KLHL1: variants seen among roughly 807,000 people sequenced by gnomAD.
KLHL1 encodes the protein kelch like family member 1, also known as kelch-like protein 1.
KLHL1 carries 47 observed loss-of-function variants against 77.7 expected under a neutral mutation model. That is an observed-to-expected ratio of 0.60 (90% CI 0.48 to 0.77). KLHL1 has a LOEUF of 0.77. Ranked by LOEUF, KLHL1 falls within the 30% of genes least tolerant of loss-of-function variation. The probability of loss-of-function intolerance (pLI) is 0.00; values close to 1 mark genes in which losing one functional copy is unlikely to be tolerated. For missense variants in KLHL1, 925 were observed against 910.8 expected, an observed-to-expected ratio of 1.02 and a Z score of -0.20; for synonymous variants, 360 against 325.2, an observed-to-expected ratio of 1.11 and a Z score of -1.15.
chr13:69,725,585 C>T (rs9542054), intron 8 of KLHL1, among the ~76,000 whole-genome samples: 7,980 of 152,028 alleles, frequency 0.052, 364 homozygotes, highest in African/African-American at 0.12. Flanking sequence ...TATTGGTGGA[C>T]AATTAGCCAA....
At chr13:70,016,526 G>T (rs976613254) in intron 1 of KLHL1, among the ~76,000 whole-genome samples, 4 of 152,226 alleles carry the variant, frequency 2.6e-5, no homozygotes, top group African/African-American at 9.6e-5. Context: ...CCTGGGTGCT[G>T]TCACAACCCT....
At chr13:70,088,880 T>C (rs144783047) in intron 1 of KLHL1, among the ~76,000 whole-genome samples, 3 of 152,310 alleles carry the variant, frequency 2.0e-5, no homozygotes, top group East Asian at 3.9e-4. Context: ...CAGGGCTATT[T>C]ACGTATTTTT....
At chr13:70,013,051 C>A (rs1194614081) in intron 1 of KLHL1, among the ~76,000 whole-genome samples, 1 of 151,728 alleles carries the variant, frequency 6.6e-6, no homozygotes, top group African/African-American at 2.4e-5. Flanking sequence ...GTTTATCTTC[C>A]ATGAAGAATT....
chr13:70,080,081 A>G (rs1031913324), intron 1 of KLHL1, among the ~76,000 whole-genome samples: 8 of 152,212 alleles, frequency 5.3e-5, no homozygotes, highest in African/African-American at 1.9e-4. Context: ...ACTTGGAGCC[A>G]TACAGCATAC....
chr13:69,912,608 C>A (rs900236532), intron 4 of KLHL1, among the ~76,000 whole-genome samples: 1 of 152,066 alleles, frequency 6.6e-6, no homozygotes, highest in African/African-American at 2.4e-5. Context: ...TATTTCCATG[C>A]CAGTCATCTC....
intron 6 of KLHL1, among the ~76,000 whole-genome samples, chr13:69,826,578 C>CAAAG (rs144260651): frequency 0.095 from 14,302 of 151,148 alleles, 1,363 homozygotes; most frequent in African/African-American, 0.25. Context: ...AAAACTGTCT[C>CAAAG]AAAGAAAGAA....
At chr13:69,900,211 T>G (rs575226885) in intron 4 of KLHL1, among the ~76,000 whole-genome samples, 1 of 152,196 alleles carries the variant, frequency 6.6e-6, no homozygotes, top group African/African-American at 2.4e-5. Flanking sequence ...TATCATATAC[T>G]TAAAAATATT....
rs902664002 is a variant in KLHL1, at chr13:70,107,312, C to T, written c.388G>A (p.Val130Met). The change falls in exon 1 of 11, where the codon GTG becomes ATG. Residue 130 changes from valine (V) to methionine (M), a missense_variant. Physicochemically the swap from Val to Met is conservative, Grantham distance 21. Transcript: ENST00000377844. ...GGTCCAGGAAAGTCCATGCCTGGCACCACCTCCTCCTCTAGTGACTCCACG... is the reference window on the plus strand; with the variant it reads ...GGTCCAGGAAAGTCCATGCCTGGCATCACCTCCTCCTCTAGTGACTCCACG... ...FYVESLEEEV[V>M]PGMDFPGPHE... The T allele has an allele frequency of 6.2e-6, 10 of 1,614,026 alleles. No homozygotes were observed. In the African/African-American group the frequency reaches 1.1e-4, roughly 17 times the overall value.
intron 7 of KLHL1, among the ~76,000 whole-genome samples, chr13:69,780,689 T>G: frequency 1.6e-4 from 1 of 6,290 alleles, no homozygotes; most frequent in Non-Finnish European, 3.9e-4. Context: ...TTTCTTCATA[T>G]ATATATATAT....
chr13:70,070,566 C>G (rs1887115025), intron 1 of KLHL1, among the ~76,000 whole-genome samples: 1 of 152,010 alleles, frequency 6.6e-6, no homozygotes, highest in South Asian at 2.1e-4. Flanking sequence ...AACAAAAATA[C>G]AAAGAATTTG....
intron 7 of KLHL1, among the ~76,000 whole-genome samples, chr13:69,792,383 A>G (rs1310459319): frequency 1.3e-5 from 2 of 152,190 alleles, no homozygotes; most frequent in Admixed American, 1.3e-4. Flanking sequence ...ATATACTGGG[A>G]TTATTTAAAT....
intron 6 of KLHL1, among the ~76,000 whole-genome samples, chr13:69,803,721 G>C (rs1877492054): frequency 1.3e-5 from 2 of 152,284 alleles, no homozygotes; most frequent in Non-Finnish European, 2.9e-5. Flanking sequence ...TTTGAAGCAT[G>C]AGCAGGACTT....
intron 8 of KLHL1, among the ~76,000 whole-genome samples, chr13:69,729,895 T>C (rs1423804369): frequency 1.3e-5 from 2 of 152,174 alleles, no homozygotes; most frequent in African/African-American, 4.8e-5. Context: ...AGTATTGATA[T>C]CACACTCTGA....
At chr13:69,982,944 T>C (rs1884754648) in intron 1 of KLHL1, among the ~76,000 whole-genome samples, 1 of 152,138 alleles carries the variant, frequency 6.6e-6, no homozygotes, top group Non-Finnish European at 1.5e-5. Context: ...GATGATATGA[T>C]TTTATATGTA....
At chr13:69,808,608 G>A (rs1294407384) in intron 6 of KLHL1, among the ~76,000 whole-genome samples, 4 of 152,080 alleles carry the variant, frequency 2.6e-5, no homozygotes, top group African/African-American at 7.2e-5. Context: ...AATACAAAGT[G>A]TCAGCTCTCA....
chr13:69,752,554 G>A (rs957598503), intron 7 of KLHL1, among the ~76,000 whole-genome samples: 3 of 152,122 alleles, frequency 2.0e-5, no homozygotes, highest in African/African-American at 7.2e-5. Flanking sequence ...GCAACTTTGG[G>A]ATTCTAGCTC....
intron 1 of KLHL1, among the ~76,000 whole-genome samples, chr13:70,075,763 A>ATATATATATACATATATATG (rs1887255382): frequency 6.9e-6 from 1 of 145,178 alleles, no homozygotes; most frequent in African/African-American, 2.5e-5. Flanking sequence ...ACACACACAT[A>ATATATATATACATATATATG]TATATATATA....
At chr13:69,940,496 A>G (rs74899361) in intron 3 of KLHL1, among the ~76,000 whole-genome samples, 1,570 of 152,244 alleles carry the variant, frequency 0.01, 25 homozygotes, top group African/African-American at 0.035. Context: ...CAGAAATGAT[A>G]GTTCTTCCTT....
At chr13:69,952,931 G>C (rs1883757057) in intron 3 of KLHL1, among the ~76,000 whole-genome samples, 1 of 151,186 alleles carries the variant, frequency 6.6e-6, no homozygotes. Context: ...AATTTTAAAT[G>C]GAAGATATTA....
Sources: allele counts gnomAD v4.1 joint callset (sites outside exome capture counted in the v4.1 genomes callset), GRCh38; gene constraint gnomAD v4.1.1; transcripts MANE v1.5; gene names NCBI Gene and HGNC (gene_info 2026-07-23, HGNC 2026-07-21).